The following GABBR2 variants were observed in gnomAD, a reference collection of about 807,000 sequenced individuals.
GABBR2 encodes gamma-aminobutyric acid type B receptor subunit 2, also known as G-protein coupled receptor 51.
GABBR2 carries 23 observed loss-of-function variants against 105.6 expected under a neutral mutation model. The observed-to-expected ratio is 0.22, with a 90% confidence interval of 0.16 to 0.31. The LOEUF (loss-of-function observed/expected upper bound fraction) is 0.31, where lower values mean the gene tolerates loss of function less well. Ranked by LOEUF, GABBR2 falls within the 10% of genes least tolerant of loss-of-function variation. The pLI is 1.00. For missense variants in GABBR2, 734 were observed against 1,245.5 expected (o/e 0.59, Z 6.18); for synonymous variants, 478 against 499.7 (o/e 0.96, Z 0.58).
At chr9:98,453,576 A>G (rs1048055053) in intron 7 of GABBR2, among the ~76,000 whole-genome samples, 3 of 152,230 alleles carry the variant, frequency 2.0e-5, no homozygotes, top group African/African-American at 4.8e-5. Flanking sequence ...ATATTCAATG[A>G]CAAAAAAACT....
intron 2 of GABBR2, among the ~76,000 whole-genome samples, chr9:98,543,903 A>C (rs1414479321): frequency 1.3e-5 from 2 of 151,868 alleles, no homozygotes; most frequent in African/African-American, 4.8e-5. Context: ...TGAATTTATC[A>C]GTTTTTTTCC....
intron 6 of GABBR2, among the ~76,000 whole-genome samples, chr9:98,472,516 G>A (rs1826705444): frequency 6.6e-6 from 1 of 151,502 alleles, no homozygotes; most frequent in African/African-American, 2.4e-5. Flanking sequence ...CAATCCTCCT[G>A]ATAACCCCCA....
chr9:98,394,836 G>A (rs891752740), intron 8 of GABBR2, among the ~76,000 whole-genome samples: 5 of 152,046 alleles, frequency 3.3e-5, no homozygotes, highest in African/African-American at 1.2e-4. Context: ...GGCATGATTT[G>A]GTCAGCAGCA....
At chr9:98,664,636 C>A (rs1369207845) in intron 1 of GABBR2, among the ~76,000 whole-genome samples, 1 of 152,180 alleles carries the variant, frequency 6.6e-6, no homozygotes, top group Non-Finnish European at 1.5e-5. Context: ...GTGCAGGACA[C>A]CATATTGGTC....
chr9:98,327,880 T>A (rs1179811664), intron 13 of GABBR2, among the ~76,000 whole-genome samples: 1 of 149,772 alleles, frequency 6.7e-6, no homozygotes, highest in African/African-American at 2.5e-5. Flanking sequence ...AAAAATAAAA[T>A]AAAATAAAAT....
chr9:98,606,695 G>C (rs1829427575), intron 1 of GABBR2: 1 of 209,628 alleles, frequency 4.8e-6, no homozygotes, highest in South Asian at 7.9e-5. Context: ...GGTCAGGCTG[G>C]TCTCAAACTC....
chr9:98,485,115 A>G (rs1311366718), intron 4 of GABBR2, among the ~76,000 whole-genome samples: 2 of 152,200 alleles, frequency 1.3e-5, no homozygotes. Context: ...GTGCCCTTCC[A>G]GGGACTTGGC....
intron 8 of GABBR2, among the ~76,000 whole-genome samples, chr9:98,397,335 C>A (rs902713882): frequency 6.6e-6 from 1 of 152,164 alleles, no homozygotes; most frequent in Non-Finnish European, 1.5e-5. Context: ...TTTATCATTT[C>A]ATTCATTCAT....
Position 98,564,633 on chromosome 9 carries a change from G to A in GABBR2, c.459+13302C>T, listed in dbSNP as rs148663298. ...GTGTTTAGAACCATGCCTGGCCCAT[G>A]GCAAAGGCTATAGACATGTGACAAA... On this transcript the variant is annotated intron_variant, in intron 2 of 18. Coordinates refer to ENST00000259455, the MANE Select transcript of GABBR2 (RefSeq NM_005458.8). 1.5e-3 allele frequency among the ~76,000 whole-genome samples: 231 copies of A among 152,334 alleles called. 1 individual carries two copies. The highest frequency in any genetic ancestry group is 5.5e-3 in the African/African-American group (227 of 41,580).
At chr9:98,535,653 C>A (rs993827265) in intron 3 of GABBR2, among the ~76,000 whole-genome samples, 1 of 152,014 alleles carries the variant, frequency 6.6e-6, no homozygotes, top group Non-Finnish European at 1.5e-5. Flanking sequence ...GTCTGGGAAC[C>A]AATCCCCCAT....
chr9:98,385,484 C>T (rs977932320), intron 11 of GABBR2, among the ~76,000 whole-genome samples, 156 bp downstream of exon 11: 7 of 150,946 alleles, frequency 4.6e-5, no homozygotes, highest in South Asian at 2.1e-4. Flanking sequence ...ACAGTAACAC[C>T]GTTCTTCCCT....
intron 3 of GABBR2, among the ~76,000 whole-genome samples, chr9:98,513,732 G>A (rs1483969483): frequency 4.0e-5 from 6 of 151,748 alleles, no homozygotes; most frequent in African/African-American, 1.5e-4. Context: ...AGTTAGAATG[G>A]CGATCATTAA....
intron 6 of GABBR2, among the ~76,000 whole-genome samples, chr9:98,466,805 G>A (rs1384644446): frequency 1.3e-5 from 2 of 152,188 alleles, no homozygotes; most frequent in Non-Finnish European, 2.9e-5. Context: ...AAATGAGATA[G>A]GTTATTTCTT....
chr9:98,647,574 A>G (rs1054565579), intron 1 of GABBR2, among the ~76,000 whole-genome samples: 1 of 152,144 alleles, frequency 6.6e-6, no homozygotes, highest in African/African-American at 2.4e-5. Flanking sequence ...TGAAACCCAA[A>G]CCTGGCCCCG....
chr9:98,509,933 C>T (rs1564097968), intron 3 of GABBR2, among the ~76,000 whole-genome samples: 1 of 152,124 alleles, frequency 6.6e-6, no homozygotes, highest in Non-Finnish European at 1.5e-5. Context: ...CACAAAGATA[C>T]TCCTCGAGAA....
At chr9:98,593,099 G>A (rs13301129) in intron 1 of GABBR2, among the ~76,000 whole-genome samples, 37,439 of 151,934 alleles carry the variant, frequency 0.25, 5,227 homozygotes, top group South Asian at 0.35. Context: ...TCCCACCTAG[G>A]TCTCCTAAAG....
intron 1 of GABBR2, among the ~76,000 whole-genome samples, chr9:98,582,559 A>G (rs547820561): frequency 6.6e-6 from 1 of 152,220 alleles, no homozygotes. Context: ...TACATCACCA[A>G]ATTTGTGGTG....
chr9:98,577,826 G>T (rs571296460), intron 2 of GABBR2, 109 bp downstream of exon 2: 259 of 1,085,652 alleles, frequency 2.4e-4, no homozygotes, highest in Non-Finnish European at 3.2e-4. Context: ...AGTCCAGGAG[G>T]CCTGACCCAG....
chr9:98,586,091 A>G (rs1025886373), intron 1 of GABBR2, among the ~76,000 whole-genome samples: 2 of 152,122 alleles, frequency 1.3e-5, no homozygotes, highest in African/African-American at 4.8e-5. Flanking sequence ...GTGCTGTGAA[A>G]TATTTCACTC....
Sources: allele counts gnomAD v4.1 joint callset (sites outside exome capture counted in the v4.1 genomes callset), GRCh38; gene constraint gnomAD v4.1.1; transcripts MANE v1.5; gene names NCBI Gene and HGNC (gene_info 2026-07-23, HGNC 2026-07-21).